Variants in MTUS2 observed in about 807,000 individuals in gnomAD.
MTUS2 encodes the protein microtubule associated scaffold protein 2.
A neutral mutation model predicts 114.1 loss-of-function variants in MTUS2; 40 were observed. The observed-to-expected ratio is 0.35, with a 90% CI of 0.27 to 0.46. The LOEUF is 0.46. Ranked by LOEUF, MTUS2 falls within the 20% of genes least tolerant of loss-of-function variation. The pLI is 1.00. For missense variants in MTUS2, 1,679 were observed against 1,705.4 expected, an observed-to-expected ratio of 0.98 and a Z score of 0.27; for synonymous variants, 688 against 672.0, an observed-to-expected ratio of 1.02 and a Z score of -0.37.
At chr13:28,890,606 A>G (rs1436914643) in intron 2 of MTUS2, among the ~76,000 whole-genome samples, 1 of 152,240 alleles carries the variant, frequency 6.6e-6, no homozygotes, top group East Asian at 1.9e-4. Flanking sequence ...TAGTCTTCTT[A>G]GTTATATATT....
intron 6 of MTUS2, among the ~76,000 whole-genome samples, chr13:29,316,672 C>A (rs1900003564): frequency 6.6e-6 from 1 of 152,144 alleles, no homozygotes; most frequent in Admixed American, 6.5e-5. Context: ...GAAATGCAGG[C>A]TAAGTAGGGC....
intron 2 of MTUS2, among the ~76,000 whole-genome samples, chr13:28,867,521 T>G (rs1330393437): frequency 6.6e-6 from 1 of 152,186 alleles, no homozygotes; most frequent in Non-Finnish European, 1.5e-5. Context: ...TTCTGCCAAA[T>G]ATCAGCTTGT....
At chr13:29,324,337 G>A (rs1294519101) in intron 6 of MTUS2, among the ~76,000 whole-genome samples, 6 of 152,160 alleles carry the variant, frequency 3.9e-5, no homozygotes, top group Admixed American at 1.3e-4. Context: ...TCATTGGGGT[G>A]GCAGTGACCT....
intron 2 of MTUS2, among the ~76,000 whole-genome samples, chr13:28,931,237 T>G (rs1566231815): frequency 6.6e-6 from 1 of 152,052 alleles, no homozygotes; most frequent in Non-Finnish European, 1.5e-5. Flanking sequence ...AAAATATTTT[T>G]GGGAAAAAAT....
In MTUS2 at chr13:29,033,970, T is replaced by G. The variant is rs201704615; in HGVS notation, c.2291T>G (p.Met764Arg). 9.5e-5 allele frequency: 154 copies of G among 1,613,922 alleles called. No individual in the cohort carries two copies. The highest frequency in any genetic ancestry group is 2.5e-6 in the Non-Finnish European group (3 of 1,179,900). The change falls in exon 4 of 16, where the codon ATG (methionine) becomes AGG (arginine). Residue 764 changes from methionine (M) to arginine (R), a missense_variant. This residue lies in a region of MTUS2 where 822 missense variants were observed against 899.7 expected (regional missense o/e 0.91). Coordinates refer to ENST00000612955, the MANE Select transcript of MTUS2 (RefSeq NM_001033602.4). Reference sequence around the variant, plus strand: ...CCTCCAACTTTCTATCGGTCAGCCATGCTCCTTAAGCCCCAGCTAGGATTG... The same window carrying G: ...CCTCCAACTTTCTATCGGTCAGCCAGGCTCCTTAAGCCCCAGCTAGGATTG... ...EVPPTFYRSA[M>R]LLKPQLGLGA...
chr13:29,193,370 A>G (rs914028746), intron 5 of MTUS2, among the ~76,000 whole-genome samples: 1 of 151,978 alleles, frequency 6.6e-6, no homozygotes, highest in Non-Finnish European at 1.5e-5. Flanking sequence ...CATGGATACT[A>G]CTGTAGCTCT....
chr13:29,434,278 G>A (rs1256507600), intron 8 of MTUS2, among the ~76,000 whole-genome samples: 3 of 152,094 alleles, frequency 2.0e-5, no homozygotes, highest in Non-Finnish European at 4.4e-5. Context: ...GAGGGAAAAG[G>A]GGCCCATCTG....
intron 13 of MTUS2, 148 bp from the exon 14 acceptor site, chr13:29,498,269 AG>A: frequency 8.9e-7 from 1 of 1,124,798 alleles, no homozygotes; most frequent in Admixed American, 2.4e-5. Flanking sequence ...TTATCAGGGA[AG>A]GCTGTGAGCA....
intron 4 of MTUS2, among the ~76,000 whole-genome samples, chr13:29,088,108 T>C (rs1050681738): frequency 2.0e-4 from 31 of 151,610 alleles, no homozygotes; most frequent in Non-Finnish European, 3.4e-4. Flanking sequence ...CTGGTGTAGG[T>C]GTTTAGTCCT....
Position 28,869,687 on chromosome 13 carries a change from C to T in MTUS2, c.-243+29837C>T, listed in dbSNP as rs1877505212. Among the ~76,000 whole-genome samples, 3 of 152,168 alleles carry T rather than the reference C, an allele frequency of 2.0e-5. No homozygotes were observed. In the South Asian group the frequency reaches 6.2e-4, roughly 32 times the overall value. The stretch of plus-strand genomic sequence containing the variant: ...TTAGGAGGCTGAGGCTGGAGAATCA[C>T]TTGAACCTGGAAGGTGGAGGTTGCA... On this transcript the variant is annotated intron_variant, in intron 2 of 15. Transcript: ENST00000612955.
intron 2 of MTUS2, among the ~76,000 whole-genome samples, chr13:28,844,779 T>C (rs1875755736): frequency 6.6e-6 from 1 of 152,014 alleles, no homozygotes; most frequent in South Asian, 2.1e-4. Flanking sequence ...ACCACACCCA[T>C]CTAATTTTTT....
chr13:29,008,251 G>T (rs1397046553), intron 2 of MTUS2, among the ~76,000 whole-genome samples: 1 of 152,188 alleles, frequency 6.6e-6, no homozygotes, highest in Admixed American at 6.5e-5. Context: ...CCTCTGGAAG[G>T]TTTCTTTATC....
chr13:29,191,099 C>T (rs1372456253), intron 5 of MTUS2, among the ~76,000 whole-genome samples: 6 of 152,028 alleles, frequency 3.9e-5, no homozygotes, highest in Non-Finnish European at 7.4e-5. Flanking sequence ...TATACTTGTC[C>T]GTCTTATTCT....
At chr13:29,185,821 A>T (rs955084819) in intron 5 of MTUS2, among the ~76,000 whole-genome samples, 1 of 152,234 alleles carries the variant, frequency 6.6e-6, no homozygotes, top group Non-Finnish European at 1.5e-5. Flanking sequence ...TAACTAGAAG[A>T]TATCTAACAC....
intron 9 of MTUS2, among the ~76,000 whole-genome samples, chr13:29,472,245 C>T (rs1024076048): frequency 6.6e-5 from 10 of 152,300 alleles, no homozygotes; most frequent in South Asian, 2.1e-4. Flanking sequence ...TGGTCTCCAT[C>T]TCCTGACCTC....
chr13:28,868,714 TAAAAG>T (rs1019137227), intron 2 of MTUS2, among the ~76,000 whole-genome samples: 1 of 152,216 alleles, frequency 6.6e-6, no homozygotes, highest in East Asian at 1.9e-4. Flanking sequence ...CCATAGTTCA[TAAAAG>T]AAAAGACATT....
chr13:29,331,098 C>T (rs1317478817), intron 7 of MTUS2, among the ~76,000 whole-genome samples: 1 of 152,042 alleles, frequency 6.6e-6, no homozygotes, highest in Non-Finnish European at 1.5e-5. Context: ...TGTTTGTGTC[C>T]TCTCTTATTT....
Position 29,504,935 on chromosome 13 carries a change from A to G in MTUS2, c.*1729A>G, listed in dbSNP as rs751630425. ...CGCCTGCTCGGCACACGTGTTGCCA[A>G]CGTGAAGGCAGACATGGTCCCTGGC... is the stretch of plus-strand genomic sequence containing the variant. On this transcript the variant is annotated 3_prime_UTR_variant, in exon 16 of 16. Transcript: ENST00000612955. The G allele has an allele frequency of 4.7e-5, 11 of 232,520 alleles. No homozygotes were observed. The highest frequency in any genetic ancestry group is 1.3e-4 in the African/African-American group (6 of 45,294). The allele number at this position is 232,520 out of a possible 1,614,324, so 14.4% of individuals were successfully genotyped here.
intron 5 of MTUS2, among the ~76,000 whole-genome samples, chr13:29,180,712 A>T (rs1893963633): frequency 6.6e-6 from 1 of 152,156 alleles, no homozygotes; most frequent in Non-Finnish European, 1.5e-5. Context: ...TCCAGTGGCC[A>T]CCTCTGGTTC....
Sources: gnomAD v4.1 joint callset for allele counts (sites outside exome capture counted in the v4.1 genomes callset) on GRCh38, gnomAD v4.1.1 for gene constraint, gnomAD v4.1.1 regional missense constraint, MANE v1.5 for transcripts, NCBI Gene and HGNC (gene_info 2026-07-23, HGNC 2026-07-21) for gene names.